The following GRID2 variants were observed in gnomAD, a reference collection of about 807,000 sequenced individuals.
GRID2 encodes the protein glutamate receptor ionotropic, delta-2.
GRID2 carries 33 observed loss-of-function variants against 114.8 expected under a neutral mutation model. The observed-to-expected ratio is 0.29, with a 90% CI of 0.22 to 0.38. GRID2 has a LOEUF of 0.38. GRID2 is among the 10% of genes least tolerant of loss of function. The pLI is 1.00. For synonymous variants in GRID2, 505 were observed against 449.9 expected (o/e 1.12, Z -1.55); for missense variants, 1,184 against 1,257.7 (o/e 0.94, Z 0.89).
intron 2 of GRID2, among the ~76,000 whole-genome samples, chr4:92,634,503 T>A (rs1206059292): frequency 6.6e-6 from 1 of 152,086 alleles, no homozygotes; most frequent in Non-Finnish European, 1.5e-5. Context: ...CACTTTATAA[T>A]GCTGCAAAGA....
In GRID2 at chr4:92,455,459, G is replaced by A. The variant is rs185128572; in HGVS notation, c.89-134672G>A. 3.7e-3 allele frequency among the ~76,000 whole-genome samples: 559 copies of A among 152,270 alleles called. 6 individuals are homozygous for A. Among genetic ancestry groups the A allele is most frequent in the African/African-American group, 0.013 (536 of 41,558 alleles). Reference sequence around the variant, plus strand: ...GAGAAGGAGAAGTACACCATCAGGAGAGGATATAACGTGAACCTAGTGTTG... The same window carrying A: ...GAGAAGGAGAAGTACACCATCAGGAAAGGATATAACGTGAACCTAGTGTTG... On this transcript the variant is annotated intron_variant, in intron 1 of 15. Coordinates refer to ENST00000282020, the MANE Select transcript of GRID2 (RefSeq NM_001510.4).
At chr4:93,044,593 A>T (rs927183955) in intron 2 of GRID2, among the ~76,000 whole-genome samples, 5 of 152,184 alleles carry the variant, frequency 3.3e-5, no homozygotes, top group African/African-American at 1.2e-4. Context: ...AATCAAAGAG[A>T]AAATAGGAGA....
intron 3 of GRID2, among the ~76,000 whole-genome samples, chr4:93,095,969 T>G (rs1433531603): frequency 1.3e-5 from 2 of 151,992 alleles, no homozygotes; most frequent in African/African-American, 4.8e-5. Context: ...AAAGATTGGA[T>G]GAAATATTTT....
intron 2 of GRID2, among the ~76,000 whole-genome samples, chr4:92,751,609 G>A (rs1325653195): frequency 6.6e-6 from 1 of 152,178 alleles, no homozygotes; most frequent in African/African-American, 2.4e-5. Context: ...AAGTATATAT[G>A]TGCTATAACT....
At chr4:92,444,240 T>C (rs191268730) in intron 1 of GRID2, among the ~76,000 whole-genome samples, 10 of 152,126 alleles carry the variant, frequency 6.6e-5, no homozygotes, top group Non-Finnish European at 8.8e-5. Flanking sequence ...CCAAACAGGC[T>C]TTGTGTGAGC....
chr4:93,238,361 T>C lies in GRID2; in HGVS notation c.1126-10T>C, dbSNP rs1374903020. 2 of 1,593,958 alleles carry C rather than the reference T, an allele frequency of 1.3e-6. No homozygotes were observed. The highest frequency in any genetic ancestry group is 1.7e-6 in the Non-Finnish European group (2 of 1,164,846). ...TCAAATTTTACATCAGTATCTGTTC[T>C]CTCCTTTAGGGTGGAGTTAGTGGGT... On this transcript the variant is annotated splice_polypyrimidine_tract_variant and intron_variant, in intron 7 of 15. Transcript: ENST00000282020.
At chr4:92,986,742 CA>C in intron 2 of GRID2, among the ~76,000 whole-genome samples, 1 of 152,224 alleles carries the variant, frequency 6.6e-6, no homozygotes, top group Non-Finnish European at 1.5e-5. Context: ...TGTAACAGAA[CA>C]GGACTAAATA....
At chr4:93,202,076 T>A (rs1408236507) in intron 4 of GRID2, among the ~76,000 whole-genome samples, 1 of 152,158 alleles carries the variant, frequency 6.6e-6, no homozygotes, top group African/African-American at 2.4e-5. Flanking sequence ...AATGTGCACA[T>A]GTATAATGAC....
At position 93,224,701 on chromosome 4, in the gene GRID2, G is replaced by T; in HGVS notation, c.1051G>T (p.Ala351Ser). The T allele has an allele frequency of 6.2e-7, 1 of 1,611,260 alleles. No individual in the cohort carries two copies. Residue 351 changes from alanine (A) to serine (S), a missense_variant, in exon 7 of 16, where the codon GCA (alanine) becomes TCA (serine). Ala to Ser is a moderately conservative substitution (Grantham distance 99). Around this residue, in one of 3 missense-constraint regions of GRID2, gnomAD observed 12 missense variants for 31.3 expected, o/e 0.38. Coordinates refer to ENST00000282020, the MANE Select transcript of GRID2 (RefSeq NM_001510.4). Reference sequence around the variant, plus strand: ...GGAGGACCGAAAGTGGCACAGCATGGCAAGTCTGTCATGTATCAGAAAGAA... The same window carrying T: ...GGAGGACCGAAAGTGGCACAGCATGTCAAGTCTGTCATGTATCAGAAAGAA... ...KLEDRKWHSM[A>S]SLSCIRKNSK... is the part of the protein sequence containing the mutation.
At chr4:92,595,754 A>G (rs895888223) in intron 2 of GRID2, among the ~76,000 whole-genome samples, 1 of 152,208 alleles carries the variant, frequency 6.6e-6, no homozygotes, top group East Asian at 1.9e-4. Context: ...TGTAAATGGG[A>G]TGACAGGAAA....
intron 1 of GRID2, among the ~76,000 whole-genome samples, chr4:92,455,327 T>C (rs990228849): frequency 2.6e-5 from 4 of 152,172 alleles, no homozygotes; most frequent in East Asian, 3.9e-4. Flanking sequence ...GTGAAACTTA[T>C]ATTCCAGGAT....
intron 8 of GRID2, among the ~76,000 whole-genome samples, chr4:93,339,085 C>T (rs917379863): frequency 1.3e-5 from 2 of 152,150 alleles, no homozygotes; most frequent in South Asian, 2.1e-4. Context: ...AAACAGAGCT[C>T]CTACCTATTC....
intron 2 of GRID2, among the ~76,000 whole-genome samples, chr4:92,860,873 G>A (rs753340862): frequency 6.6e-6 from 1 of 152,046 alleles, no homozygotes; most frequent in Non-Finnish European, 1.5e-5. Context: ...TTACGTATGT[G>A]AGAAAATGTG....
chr4:93,041,890 T>C (rs1560820866), intron 2 of GRID2, among the ~76,000 whole-genome samples: 1 of 151,904 alleles, frequency 6.6e-6, no homozygotes, highest in East Asian at 1.9e-4. Flanking sequence ...ACATATATAT[T>C]TTGTTGTTGT....
intron 2 of GRID2, among the ~76,000 whole-genome samples, chr4:92,723,304 A>G (rs1451805996): frequency 6.6e-6 from 1 of 152,146 alleles, no homozygotes; most frequent in Non-Finnish European, 1.5e-5. Flanking sequence ...AAAAATTTCA[A>G]TAAATTACTT....
In GRID2 at chr4:93,463,247, C is replaced by G. The variant is rs545016820; in HGVS notation, c.1858+7273C>G. Reference sequence around the variant, plus strand: ...CTGAAAGTGAATGTTCAAATTCTACCAATAGTGAGGAGTAATTTGTGTACT... The same window carrying G: ...CTGAAAGTGAATGTTCAAATTCTACGAATAGTGAGGAGTAATTTGTGTACT... On this transcript the variant is annotated intron_variant, in intron 11 of 15. Transcript: ENST00000282020. Among the ~76,000 whole-genome samples the G allele has an allele frequency of 7.9e-5, 12 of 152,118 alleles. No individual in the cohort carries two copies. In the South Asian group the frequency reaches 2.5e-3, roughly 32 times the overall value.
At chr4:92,917,647 A>G (rs1748923916) in intron 2 of GRID2, among the ~76,000 whole-genome samples, 1 of 151,796 alleles carries the variant, frequency 6.6e-6, no homozygotes, top group Middle Eastern at 3.4e-3. Flanking sequence ...TTTGTCAAAG[A>G]TCAGATAGTT....
intron 2 of GRID2, among the ~76,000 whole-genome samples, chr4:92,762,894 C>T (rs1225042271): frequency 1.3e-5 from 2 of 152,112 alleles, no homozygotes; most frequent in East Asian, 1.9e-4. Flanking sequence ...TTTTTCTGAC[C>T]TATGCTTTAC....
chr4:93,130,928 T>G (rs1734738475), intron 4 of GRID2, among the ~76,000 whole-genome samples: 1 of 152,180 alleles, frequency 6.6e-6, no homozygotes, highest in Non-Finnish European at 1.5e-5. Flanking sequence ...CAGTTCTCTC[T>G]TATCCAATTG....
Sources: gnomAD v4.1 joint callset for allele counts (sites outside exome capture counted in the v4.1 genomes callset) on GRCh38, gnomAD v4.1.1 for gene constraint, gnomAD v4.1.1 regional missense constraint, MANE v1.5 for transcripts, NCBI Gene and HGNC (gene_info 2026-07-23, HGNC 2026-07-21) for gene names.